Variants in CELA1 observed in about 807,000 individuals in gnomAD.
CELA1 encodes the protein chymotrypsin like elastase 1.
In CELA1, 28 loss-of-function variants were observed where a neutral mutation model predicts 34.8. That is an observed-to-expected ratio of 0.80 (90% confidence interval 0.60 to 1.10). The LOEUF (loss-of-function observed/expected upper bound fraction) is 1.10, where lower values mean the gene tolerates loss of function less well. CELA1 is among the 50% of genes least tolerant of loss of function. The pLI is 0.00. For synonymous variants in CELA1, 140 were observed against 129.8 expected (o/e 1.08, Z -0.53); for missense variants, 288 against 327.5 (o/e 0.88, Z 0.93).
chr12:51,337,539 C>CAAA (rs33950532), intron 6 of CELA1, among the ~76,000 whole-genome samples: 1,974 of 68,770 alleles, frequency 0.029, 268 homozygotes, highest in Non-Finnish European at 0.034. Context: ...CTTATCTCTT[C>CAAA]AAAAAAAAAA....
intron 6 of CELA1, among the ~76,000 whole-genome samples, chr12:51,335,243 T>C (rs995908088): frequency 1.3e-5 from 2 of 152,134 alleles, no homozygotes; most frequent in Non-Finnish European, 2.9e-5. Context: ...TCTCTGCCTA[T>C]TTATGCACTC....
chr12:51,339,829 A>AC, intron 6 of CELA1, 31 bp downstream of exon 6: 3 of 1,527,296 alleles, frequency 2.0e-6, no homozygotes, highest in East Asian at 2.4e-5. Flanking sequence ...GAGTGGCGGG[A>AC]CCTGGGGTGG....
chr12:51,328,843 C>T (rs1946451561), intron 7 of CELA1, among the ~76,000 whole-genome samples: 1 of 152,134 alleles, frequency 6.6e-6, no homozygotes, highest in Admixed American at 6.6e-5. Flanking sequence ...CACAAGGCTC[C>T]AGAATGTGTT....
At chr12:51,342,283 C>G (rs1340884139) in intron 4 of CELA1, among the ~76,000 whole-genome samples, 1 of 152,188 alleles carries the variant, frequency 6.6e-6, no homozygotes, top group Non-Finnish European at 1.5e-5. Flanking sequence ...GATCCGCCTG[C>G]CTTGGCTTCC....
chr12:51,330,617 G>T (rs1946463709), intron 6 of CELA1, among the ~76,000 whole-genome samples: 1 of 152,152 alleles, frequency 6.6e-6, no homozygotes, highest in South Asian at 2.1e-4. Flanking sequence ...CCCACTCTGG[G>T]TAAAAATACC....
At chr12:51,337,589 C>G (rs1270292770) in intron 6 of CELA1, among the ~76,000 whole-genome samples, 1 of 142,494 alleles carries the variant, frequency 7.0e-6, no homozygotes, top group Non-Finnish European at 1.5e-5. Flanking sequence ...TGTAAATGAG[C>G]AACTGTGACT....
In CELA1 at chr12:51,342,608, T is replaced by G. The variant is rs745747111; in HGVS notation, c.293A>C (p.His98Pro). 128 of 1,614,036 alleles carry G rather than the reference T, an allele frequency of 7.9e-5. 1 individual carries two copies. Among genetic ancestry groups the G allele is most frequent in the Non-Finnish European group, 1.0e-4 (123 of 1,180,022 alleles). The change falls in exon 4 of 8, where the codon CAT becomes CCT. Residue 98 changes from histidine to proline, a missense_variant. Transcript: ENST00000293636. ...QYVSVQKIVV[H>P]PYWNSDNVAA... Reference sequence around the variant, plus strand: ...CACGTTATCGCTGTTCCAGTATGGATGCACCACGATCTTCTGCACACTCAC... The same window carrying G: ...CACGTTATCGCTGTTCCAGTATGGAGGCACCACGATCTTCTGCACACTCAC...
intron 4 of CELA1, among the ~76,000 whole-genome samples, chr12:51,341,984 G>C (rs1465404236): frequency 1.3e-5 from 2 of 152,104 alleles, no homozygotes; most frequent in African/African-American, 4.8e-5. Flanking sequence ...GTGCAAACCA[G>C]CCTGGATCCA....
At chr12:51,346,232 G>A (rs999263316) in intron 1 of CELA1, among the ~76,000 whole-genome samples, 4 of 143,686 alleles carry the variant, frequency 2.8e-5, no homozygotes, top group Non-Finnish European at 6.0e-5. Context: ...GCCCCCTAAT[G>A]CTTTGGCAAG....
At chr12:51,335,644 T>C (rs554854411) in intron 6 of CELA1, among the ~76,000 whole-genome samples, 3 of 149,518 alleles carry the variant, frequency 2.0e-5, no homozygotes, top group Admixed American at 2.0e-4. Context: ...TTTTTTTTTT[T>C]GTCCTCTTTT....
chr12:51,339,590 C>G (rs1369484372), intron 6 of CELA1, among the ~76,000 whole-genome samples: 1 of 152,162 alleles, frequency 6.6e-6, no homozygotes, highest in African/African-American at 2.4e-5. Flanking sequence ...AGAACACACA[C>G]ATATACCAAC....
At chr12:51,329,573 T>G in intron 7 of CELA1, 111 bp downstream of exon 7, 1 of 1,131,802 alleles carries the variant, frequency 8.8e-7, no homozygotes, top group African/African-American at 1.6e-5. Flanking sequence ...CACATGAATG[T>G]GGTAAGGAAG....
In CELA1 at chr12:51,345,803, G is replaced by A. The variant is rs1157346671; in HGVS notation, c.91C>T (p.Pro31Ser). ...GGTEAGRNSW[P>S]SQISLQYRSG... ...TGGGAAGGAACACCCACCTGAGAGGGCCAGGAATTCCTCCCGGCCTCAGTC... is the reference window on the plus strand; with the variant it reads ...TGGGAAGGAACACCCACCTGAGAGGACCAGGAATTCCTCCCGGCCTCAGTC... Residue 31 changes from proline to serine, a missense_variant, in exon 2 of 8, where the codon CCC (proline) becomes TCC (serine). Transcript: ENST00000293636. 1.3e-6 allele frequency: 2 copies of A among 1,555,932 alleles called. No individual in the cohort carries two copies. The highest frequency in any genetic ancestry group is 1.7e-6 in the Non-Finnish European group (2 of 1,149,084).
At chr12:51,343,308 T>C (rs569245804) in intron 3 of CELA1, among the ~76,000 whole-genome samples, 1 of 152,328 alleles carries the variant, frequency 6.6e-6, no homozygotes, top group East Asian at 1.9e-4. Context: ...ACCTACCAAA[T>C]TAGAAACTCT....
chr12:51,346,013 G>A (rs901196075), intron 1 of CELA1, 136 bp from the exon 2 acceptor site: 5 of 640,900 alleles, frequency 7.8e-6, no homozygotes, highest in African/African-American at 1.8e-5. Flanking sequence ...CGAATGAGGG[G>A]CCCAGCTGTG....
intron 3 of CELA1, 78 bp downstream of exon 3, chr12:51,343,675 C>A (rs1946550588): frequency 1.1e-6 from 1 of 879,656 alleles, no homozygotes; most frequent in South Asian, 1.4e-5. Context: ...CCAGAGAGGG[C>A]AAAATTATAT....
intron 6 of CELA1, among the ~76,000 whole-genome samples, 177 bp from the exon 7 acceptor site, chr12:51,330,010 A>G (rs963583192): frequency 1.3e-5 from 2 of 152,062 alleles, no homozygotes; most frequent in Admixed American, 1.3e-4. Flanking sequence ...CTAAACAACC[A>G]CAATACTTCT....
chr12:51,342,446 C>A, intron 4 of CELA1, 129 bp downstream of exon 4: 1 of 1,354,274 alleles, frequency 7.4e-7, no homozygotes, highest in South Asian at 1.3e-5. Flanking sequence ...AAGGCCAGGC[C>A]AGGAGCCACG....
chr12:51,346,599 T>A, intron 1 of CELA1, 24 bp downstream of exon 1: 1 of 1,141,324 alleles, frequency 8.8e-7, no homozygotes, highest in Non-Finnish European at 1.2e-6. Flanking sequence ...GGACCAGGGT[T>A]GCGACTGGAC....
Sources: allele counts gnomAD v4.1 joint callset (sites outside exome capture counted in the v4.1 genomes callset), GRCh38; gene constraint gnomAD v4.1.1; transcripts MANE v1.5; gene names NCBI Gene and HGNC (gene_info 2026-07-23, HGNC 2026-07-21).